The following MMS22L variants were observed in gnomAD, a reference collection of about 807,000 sequenced individuals.
The protein encoded by MMS22L is MMS22 like, DNA repair protein.
A neutral mutation model predicts 159.1 loss-of-function variants in MMS22L; 74 were observed. That is an observed-to-expected ratio of 0.47 (90% CI 0.39 to 0.56). MMS22L has a LOEUF of 0.56. MMS22L is among the 20% of genes least tolerant of loss of function. The pLI is 0.00. For missense variants in MMS22L, 1,351 were observed against 1,422.1 expected, an observed-to-expected ratio of 0.95 and a Z score of 0.80; for synonymous variants, 517 against 506.9, an observed-to-expected ratio of 1.02 and a Z score of -0.27.
chr6:97,201,433 C>T (rs1807152430), intron 14 of MMS22L, among the ~76,000 whole-genome samples: 1 of 152,160 alleles, frequency 6.6e-6, no homozygotes, highest in African/African-American at 2.4e-5. Context: ...TCAGGAAGAA[C>T]TGCTGGATCA....
chr6:97,145,790 A>C lies in MMS22L; in HGVS notation c.*1016T>G. On this transcript the variant is annotated 3_prime_UTR_variant, in exon 25 of 25. Transcript: ENST00000683635. ...TAAAGCAAAGCTGAGTTTGAGACCCAGGTGGGTTCCCAAAACTAGGACTGG... is the reference window on the plus strand; with the variant it reads ...TAAAGCAAAGCTGAGTTTGAGACCCCGGTGGGTTCCCAAAACTAGGACTGG... 2 of 152,180 alleles carry C rather than the reference A, an allele frequency of 1.3e-5. No individual in the cohort carries two copies. The highest frequency in any genetic ancestry group is 3.8e-4 in the East Asian group (2 of 5,198). 9.4% of individuals were successfully genotyped at this position (152,180 alleles called of 1,614,324 possible).
intron 11 of MMS22L, among the ~76,000 whole-genome samples, chr6:97,240,357 G>C (rs1284290062): frequency 2.6e-5 from 4 of 152,158 alleles, no homozygotes; most frequent in African/African-American, 9.7e-5. Flanking sequence ...TAAATTCATA[G>C]AGCATGTTTC....
intron 14 of MMS22L, among the ~76,000 whole-genome samples, chr6:97,197,244 GATC>G (rs1016107173): frequency 1.7e-4 from 26 of 152,170 alleles, no homozygotes; most frequent in African/African-American, 5.8e-4. Flanking sequence ...AGAGCAGAAT[GATC>G]ATCATCTGAT....
At chr6:97,203,687 C>T (rs928228062) in intron 14 of MMS22L, among the ~76,000 whole-genome samples, 1 of 152,156 alleles carries the variant, frequency 6.6e-6, no homozygotes, top group Non-Finnish European at 1.5e-5. Context: ...ATAAATTCCA[C>T]TCCTTGAAGC....
intron 7 of MMS22L, among the ~76,000 whole-genome samples, chr6:97,269,024 T>A (rs1400383914): frequency 2.6e-5 from 4 of 151,788 alleles, no homozygotes; most frequent in African/African-American, 9.7e-5. Context: ...AAGAGCAACA[T>A]CAAGAAATAA....
chr6:97,191,565 C>T (rs1227673941), intron 14 of MMS22L, among the ~76,000 whole-genome samples: 2 of 150,016 alleles, frequency 1.3e-5, no homozygotes, highest in Admixed American at 6.6e-5. Flanking sequence ...AACTCTACTG[C>T]AAACATGGTA....
At chr6:97,197,482 G>A (rs1408210469) in intron 14 of MMS22L, among the ~76,000 whole-genome samples, 1 of 152,112 alleles carries the variant, frequency 6.6e-6, no homozygotes, top group African/African-American at 2.4e-5. Flanking sequence ...TGGGGTTAAA[G>A]GCACTCAGAG....
Position 97,145,065 on chromosome 6 carries a change from C to CACAAAAAA in MMS22L, c.*1740_*1741insTTTTTTGT, listed in dbSNP as rs754243176. The stretch of plus-strand genomic sequence containing the variant: ...ACACACACACACACACACACACACA[C>CACAAAAAA]AAAAACACATATACACATAAATAAC... On this transcript the variant is annotated 3_prime_UTR_variant, in exon 25 of 25. Transcript: ENST00000683635. 5 of 135,414 alleles carry CACAAAAAA rather than the reference C, an allele frequency of 3.7e-5. No homozygotes were observed. Among genetic ancestry groups the CACAAAAAA allele is most frequent in the African/African-American group, 1.6e-4 (5 of 30,656 alleles). 8.4% of individuals were successfully genotyped at this position (135,414 alleles called of 1,614,324 possible). A position where few individuals can be genotyped will look rare whatever the true frequency, so the allele number is the denominator to read the frequency against.
chr6:97,182,654 T>C (rs1056881971), intron 15 of MMS22L, among the ~76,000 whole-genome samples: 1 of 152,188 alleles, frequency 6.6e-6, no homozygotes, highest in Admixed American at 6.5e-5. Flanking sequence ...TGTTTGCCAA[T>C]ACATTATTTA....
intron 14 of MMS22L, among the ~76,000 whole-genome samples, chr6:97,194,182 C>T (rs554369786): frequency 8.5e-5 from 13 of 152,276 alleles, no homozygotes; most frequent in East Asian, 1.9e-4. Flanking sequence ...CTCAGCCTCC[C>T]GAGTAGCTGG....
chr6:97,236,146 G>A (rs967551088), intron 11 of MMS22L, among the ~76,000 whole-genome samples: 19 of 151,884 alleles, frequency 1.3e-4, no homozygotes, highest in Admixed American at 3.9e-4. Flanking sequence ...TGGCCAACAT[G>A]GCGAAACCCC....
At chr6:97,202,337 T>C (rs1440850855) in intron 14 of MMS22L, among the ~76,000 whole-genome samples, 1 of 152,168 alleles carries the variant, frequency 6.6e-6, no homozygotes, top group Non-Finnish European at 1.5e-5. Context: ...AACCTCTCTA[T>C]CCACTTGCCT....
At chr6:97,159,430 CTCTA>C (rs1220624042) in intron 22 of MMS22L, among the ~76,000 whole-genome samples, 3 of 151,928 alleles carry the variant, frequency 2.0e-5, no homozygotes, top group South Asian at 4.1e-4. Flanking sequence ...CACTATATAG[CTCTA>C]TTTATTTCTC....
Position 97,142,717 on chromosome 6 carries a change from T to C in MMS22L, c.*4089A>G, listed in dbSNP as rs1800697997. ...GATTTCTAAAGGCTTTTCCTAACTG[T>C]AGAAGCTTGTCAAATTTTTATATAA... On this transcript the variant is annotated 3_prime_UTR_variant, in exon 25 of 25. Transcript: ENST00000683635. The C allele has an allele frequency of 6.6e-6, 1 of 152,156 alleles. No homozygotes were observed. The highest frequency in any genetic ancestry group is 2.1e-4 in the South Asian group (1 of 4,832). 9.4% of individuals were successfully genotyped at this position (152,156 alleles called of 1,614,324 possible).
At chr6:97,278,561 A>C (rs1291739121) in intron 4 of MMS22L, among the ~76,000 whole-genome samples, 1 of 152,190 alleles carries the variant, frequency 6.6e-6, no homozygotes, top group East Asian at 1.9e-4. Context: ...TTCTCATTTA[A>C]GTTCTCTATC....
chr6:97,222,691 A>G (rs1053705130), intron 14 of MMS22L, among the ~76,000 whole-genome samples: 1 of 152,116 alleles, frequency 6.6e-6, no homozygotes, highest in South Asian at 2.1e-4. Context: ...TTACTTCAGT[A>G]AAAATGAAAA....
At chr6:97,208,672 C>A (rs1179205307) in intron 14 of MMS22L, among the ~76,000 whole-genome samples, 1 of 151,992 alleles carries the variant, frequency 6.6e-6, no homozygotes, top group Non-Finnish European at 1.5e-5. Flanking sequence ...CAGGTAAGGT[C>A]TTTCTGTCAA....
intron 10 of MMS22L, among the ~76,000 whole-genome samples, chr6:97,252,226 G>A (rs189968901): frequency 2.0e-5 from 3 of 152,146 alleles, no homozygotes; most frequent in East Asian, 1.9e-4. Context: ...AATATCTGGC[G>A]GGGTCAATAT....
chr6:97,283,389 T>TA (rs71012594), upstream of MMS22L: 13,039 of 138,508 alleles, frequency 0.094, 640 homozygotes, highest in Non-Finnish European at 0.12. Context: ...CGGGGCCTGG[T>TA]AAAAAAAAAA....
Sources: allele counts gnomAD v4.1 joint callset (sites outside exome capture counted in the v4.1 genomes callset), GRCh38; gene constraint gnomAD v4.1.1; transcripts MANE v1.5; gene names NCBI Gene and HGNC (gene_info 2026-07-23, HGNC 2026-07-21).